The following CNTNAP5 variants were observed in gnomAD, a reference collection of about 807,000 sequenced individuals.
The protein encoded by CNTNAP5 is contactin-associated protein-like 5.
Under a neutral mutation model 150.2 loss-of-function variants are expected in CNTNAP5, and 72 were observed. That is an observed-to-expected ratio of 0.48 (90% confidence interval 0.40 to 0.58). The LOEUF is 0.58. Ranked by LOEUF, CNTNAP5 falls within the 20% of genes least tolerant of loss-of-function variation. The pLI is 0.00. For missense variants in CNTNAP5, 1,636 were observed against 1,626.2 expected (o/e 1.01, Z -0.10); for synonymous variants, 672 against 619.8 (o/e 1.08, Z -1.25).
chr2:124,290,424 T>C (rs1334359622), intron 3 of CNTNAP5, among the ~76,000 whole-genome samples: 1 of 152,174 alleles, frequency 6.6e-6, no homozygotes, highest in Non-Finnish European at 1.5e-5. Flanking sequence ...ACTCTGAACA[T>C]GGATCTTTAA....
intron 4 of CNTNAP5, among the ~76,000 whole-genome samples, chr2:124,419,981 T>TTTCC (rs1692054598): frequency 8.2e-6 from 1 of 121,980 alleles, no homozygotes; most frequent in Non-Finnish European, 1.8e-5. Context: ...TCTTTCTTTC[T>TTTCC]TTCTTTCTTT....
rs542692105 is a variant in CNTNAP5 at position 124,791,871 on chromosome 2, G to C, written c.2992+1730G>C. On this transcript the variant is annotated intron_variant, in intron 18 of 23. Transcript: ENST00000682447. ...TGTGCCTAGCCTTTTCATATGCTTC[G>C]TATTTTACTATTTCCAAACTGTTCA... 2.0e-5 allele frequency among the ~76,000 whole-genome samples: 3 copies of C among 151,936 alleles called. No homozygotes were observed. In the East Asian group the frequency reaches 5.8e-4, roughly 30 times the overall value.
intron 1 of CNTNAP5, among the ~76,000 whole-genome samples, chr2:124,145,909 T>C (rs1047241380): frequency 9.3e-5 from 14 of 150,036 alleles, no homozygotes; most frequent in African/African-American, 3.4e-4. Context: ...ATGTGATACA[T>C]GTTGATAGTG....
At chr2:124,384,718 G>C (rs1246608336) in intron 3 of CNTNAP5, among the ~76,000 whole-genome samples, 1 of 152,180 alleles carries the variant, frequency 6.6e-6, no homozygotes, top group African/African-American at 2.4e-5. Flanking sequence ...AAATAACTAA[G>C]TAGGCAAACG....
At chr2:124,690,563 G>C (rs1392353919) in intron 13 of CNTNAP5, among the ~76,000 whole-genome samples, 3 of 152,094 alleles carry the variant, frequency 2.0e-5, no homozygotes, top group African/African-American at 4.8e-5. Context: ...ATAGACATCT[G>C]CCCAAGTCAC....
At chr2:124,519,179 C>CT (rs1389848541) in intron 8 of CNTNAP5, among the ~76,000 whole-genome samples, 27 of 151,634 alleles carry the variant, frequency 1.8e-4, no homozygotes, top group Non-Finnish European at 1.5e-5. Flanking sequence ...TTGGCCAGGG[C>CT]TGGAGGTGCA....
chr2:124,572,233 G>A (rs920412209), intron 11 of CNTNAP5, among the ~76,000 whole-genome samples: 1 of 152,056 alleles, frequency 6.6e-6, no homozygotes, highest in Admixed American at 6.5e-5. Context: ...TCTTCTGGGA[G>A]GGAGAGATCT....
chr2:124,856,444 C>T (rs1677375916), intron 19 of CNTNAP5, among the ~76,000 whole-genome samples: 1 of 152,218 alleles, frequency 6.6e-6, no homozygotes. Context: ...TACTAGTTTA[C>T]ATTCCCACCA....
rs536055056 is a variant in CNTNAP5 at position 124,869,995 on chromosome 2, T to C, written c.3436+233T>C. Among the ~76,000 whole-genome samples the C allele has an allele frequency of 2.6e-5, 4 of 152,222 alleles. No homozygotes were observed. The South Asian group carries it at 8.3e-4, about 32-fold the overall frequency. On this transcript the variant is annotated intron_variant, in intron 21 of 23. Transcript: ENST00000682447. ...TGCAAGAGGTAAAATACTAAAATAA[T>C]TTAGCAGAATACTTAAATTTTTACT...
intron 10 of CNTNAP5, among the ~76,000 whole-genome samples, chr2:124,551,222 T>A (rs1267531117): frequency 6.6e-6 from 1 of 152,122 alleles, no homozygotes; most frequent in Non-Finnish European, 1.5e-5. Context: ...TATCTGGGGA[T>A]CATCGCAACA....
intron 21 of CNTNAP5, among the ~76,000 whole-genome samples, chr2:124,878,014 A>T (rs1044447684): frequency 6.6e-6 from 1 of 152,126 alleles, no homozygotes; most frequent in Admixed American, 6.6e-5. Context: ...GACTTTCTCA[A>T]TATCACATAA....
intron 3 of CNTNAP5, among the ~76,000 whole-genome samples, chr2:124,337,199 G>A (rs866902007): frequency 1.4e-4 from 22 of 152,000 alleles, no homozygotes; most frequent in Middle Eastern, 3.2e-3. Context: ...CATATCCTTC[G>A]CCCACTTGTT....
intron 3 of CNTNAP5, among the ~76,000 whole-genome samples, chr2:124,408,115 G>A (rs1691629532): frequency 6.6e-6 from 1 of 152,196 alleles, no homozygotes; most frequent in African/African-American, 2.4e-5. Flanking sequence ...TCAAAGAAAG[G>A]GGTGACGGAA....
chr2:124,389,710 T>C (rs1691062438), intron 3 of CNTNAP5, among the ~76,000 whole-genome samples: 4 of 152,208 alleles, frequency 2.6e-5, no homozygotes, highest in African/African-American at 7.2e-5. Flanking sequence ...CTCATGCCTG[T>C]AATCCTAGCA....
At chr2:124,528,080 G>A (rs1009138125) in intron 10 of CNTNAP5, among the ~76,000 whole-genome samples, 1 of 152,134 alleles carries the variant, frequency 6.6e-6, no homozygotes, top group African/African-American at 2.4e-5. Context: ...TTCTGAATTT[G>A]CATCAAGGTT....
In CNTNAP5 at chr2:124,798,325, G is replaced by A. The variant is rs1681891929; in HGVS notation, c.3217+5G>A. On this transcript the variant is annotated splice_donor_5th_base_variant and intron_variant, in intron 19 of 23. Transcript: ENST00000682447. Reference sequence around the variant, plus strand: ...TTGTTCTGCTCTGCAAGAATGGTGAGTGTGATGGCATGATACCCAGCGGAG... The same window carrying A: ...TTGTTCTGCTCTGCAAGAATGGTGAATGTGATGGCATGATACCCAGCGGAG... 1.3e-6 allele frequency: 2 copies of A among 1,597,520 alleles called. No homozygotes were observed. The highest frequency in any genetic ancestry group is 1.7e-6 in the Non-Finnish European group (2 of 1,165,172).
chr2:124,763,577 C>A (rs1013083722), intron 14 of CNTNAP5, 95 bp from the exon 15 acceptor site: 5 of 1,241,654 alleles, frequency 4.0e-6, no homozygotes, highest in Admixed American at 4.3e-5. Flanking sequence ...CCTGCTGCAA[C>A]TGGCCAAATC....
chr2:124,417,853 T>C (rs1005429344), intron 4 of CNTNAP5, among the ~76,000 whole-genome samples: 8 of 152,162 alleles, frequency 5.3e-5, no homozygotes, highest in Admixed American at 5.2e-4. Flanking sequence ...AAGTAACCAT[T>C]TGTCCTTTGC....
At chr2:124,757,198 A>G (rs768869034) in intron 14 of CNTNAP5, among the ~76,000 whole-genome samples, 3 of 152,240 alleles carry the variant, frequency 2.0e-5, no homozygotes, top group Non-Finnish European at 4.4e-5. Flanking sequence ...AATGTGGAAC[A>G]GAAGAGCTCA....
Sources: gnomAD v4.1 joint callset for allele counts (sites outside exome capture counted in the v4.1 genomes callset) on GRCh38, gnomAD v4.1.1 for gene constraint, MANE v1.5 for transcripts, NCBI Gene and HGNC (gene_info 2026-07-23, HGNC 2026-07-21) for gene names.